The following OAS2 variants were observed in gnomAD, a reference collection of about 807,000 sequenced individuals.
The protein encoded by OAS2 is 2'-5'-oligoadenylate synthase 2.
OAS2 carries 67 observed loss-of-function variants against 71.3 expected under a neutral mutation model. The observed-to-expected ratio is 0.94, with a 90% CI of 0.77 to 1.15. OAS2 has a LOEUF of 1.15. OAS2 is among the 50% of genes most tolerant of loss of function. The pLI is 0.00. For synonymous variants in OAS2, 327 were observed against 321.8 expected, an observed-to-expected ratio of 1.02 and a Z score of -0.17; for missense variants, 789 against 822.5, an observed-to-expected ratio of 0.96 and a Z score of 0.50.
In OAS2 at chr12:112,987,256, C is replaced by G; in HGVS notation, c.396C>G (p.Phe132Leu). The change falls in exon 2 of 10, where the codon TTC becomes TTG. Residue 132 changes from phenylalanine (F) to leucine (L), a missense_variant. Coordinates refer to ENST00000392583, the MANE Select transcript of OAS2 (RefSeq NM_002535.3). ...TTGATGGGTTCACCATCCAGGTGTT[C>G]ACAAAAAATCAGAGAATCTCTTTCG... ...KSLDGFTIQV[F>L]TKNQRISFEV... 2.5e-6 allele frequency: 4 copies of G among 1,614,124 alleles called. No individual in the cohort carries two copies. The South Asian group carries it at 3.3e-5, about 13-fold the overall frequency.
At position 112,987,054 on chromosome 12, in the gene OAS2, G is replaced by A. The variant is rs200216272; in HGVS notation, c.194G>A (p.Arg65Gln). 50 of 1,611,022 alleles carry A rather than the reference G, an allele frequency of 3.1e-5. No homozygotes were observed. The highest frequency in any genetic ancestry group is 4.0e-5 in the African/African-American group (3 of 74,816). Reference protein sequence around the residue: ...QGVAIGGSYGRKTVLRGNSDG... With the variant: ...QGVAIGGSYGQKTVLRGNSDG... Reference sequence around the variant, plus strand: ...CACTGGCAGGGTGGCTCCTATGGACGGAAAACAGTCTTAAGAGGCAACTCC... The same window carrying A: ...CACTGGCAGGGTGGCTCCTATGGACAGAAAACAGTCTTAAGAGGCAACTCC... Residue 65 changes from arginine to glutamine, a missense_variant, in exon 2 of 10, where the codon CGG (arginine) becomes CAG (glutamine). Coordinates refer to ENST00000392583, the MANE Select transcript of OAS2 (RefSeq NM_002535.3).
Position 113,010,267 on chromosome 12 carries a change from TAG to T in OAS2, c.*1013_*1014del. 1 of 1,483,988 alleles carries T rather than the reference TAG, an allele frequency of 6.7e-7. No individual in the cohort carries two copies. Among genetic ancestry groups the T allele is most frequent in the Non-Finnish European group, 8.9e-7 (1 of 1,123,684 alleles). The allele number at this position is 1,483,988 out of a possible 1,614,324, so 91.9% of individuals were successfully genotyped here. ...AATACCAAAAAATTGTCTCTGGCAA[TAG>T]TTACCTTCCCAGATACAGGTCCCCC... On this transcript the variant is annotated 3_prime_UTR_variant, in exon 10 of 10. Transcript: ENST00000392583.
At position 112,987,144 on chromosome 12, in the gene OAS2, G is replaced by T; in HGVS notation, c.284G>T (p.Arg95Leu). The change falls in exon 2 of 10, where the codon CGT (arginine) becomes CTT (leucine). Residue 95 changes from arginine to leucine, a missense_variant. Transcript: ENST00000392583. ...TTCCAGGATCAGAAGAGAAGCCAAC[G>T]TGACATCCTCGATAAAACTGGGGAT... is the stretch of plus-strand genomic sequence containing the variant. ...KQFQDQKRSQ[R>L]DILDKTGDKL... The T allele has an allele frequency of 6.2e-7, 1 of 1,614,184 alleles. No homozygotes were observed. The highest frequency in any genetic ancestry group is 8.5e-7 in the Non-Finnish European group (1 of 1,180,038).
chr12:113,008,039 C>T, intron 9 of OAS2, 96 bp downstream of exon 9: 1 of 867,338 alleles, frequency 1.2e-6, no homozygotes, highest in Non-Finnish European at 1.9e-6. Flanking sequence ...ACGATTCATT[C>T]CTTGCATGAC....
chr12:113,001,009 C>T (rs2044282640), intron 5 of OAS2, among the ~76,000 whole-genome samples: 1 of 152,096 alleles, frequency 6.6e-6, no homozygotes, highest in Admixed American at 6.6e-5. Context: ...TTGCCTCTTA[C>T]TGCTGTTTTA....
intron 9 of OAS2, among the ~76,000 whole-genome samples, 198 bp from the exon 10 acceptor site, chr12:113,008,889 A>G (rs1048441211): frequency 2.6e-5 from 4 of 152,132 alleles, no homozygotes; most frequent in African/African-American, 9.7e-5. Flanking sequence ...CAGCCTCCCA[A>G]AGTGCTGGGA....
In OAS2 at chr12:113,010,706, TC is replaced by T. The variant is rs1451914081; in HGVS notation, c.*1452del. On this transcript the variant is annotated 3_prime_UTR_variant, in exon 10 of 10. Transcript: ENST00000392583. ...GTTGCTGTCATCCACTTTATGTGCA[TC>T]TTATTTCTGTCAACTTGTATTTTTT... 2.4e-6 allele frequency: 1 copy of T among 413,718 alleles called. No individual in the cohort carries two copies. Among genetic ancestry groups the T allele is most frequent in the African/African-American group, 2.1e-5 (1 of 48,392 alleles). 25.6% of individuals were successfully genotyped at this position (413,718 alleles called of 1,614,324 possible).
intron 8 of OAS2, among the ~76,000 whole-genome samples, chr12:113,007,438 C>T (rs538030001): frequency 7.9e-5 from 12 of 152,162 alleles, no homozygotes; most frequent in Non-Finnish European, 1.3e-4. Context: ...AATGCCTGGG[C>T]CCATAGCTGG....
At chr12:112,993,709 T>C (rs1224798880) in intron 2 of OAS2, among the ~76,000 whole-genome samples, 2 of 150,884 alleles carry the variant, frequency 1.3e-5, no homozygotes, top group Admixed American at 1.3e-4. Context: ...CTTTTTTTTT[T>C]CTCCAAAAAA....
chr12:112,979,867 A>G (rs1243220979), intron 1 of OAS2, among the ~76,000 whole-genome samples: 1 of 152,214 alleles, frequency 6.6e-6, no homozygotes, highest in Non-Finnish European at 1.5e-5. Context: ...AGGGTGACCA[A>G]CTATCCCAGT....
At chr12:112,997,299 A>G (rs1035890135) in intron 3 of OAS2, among the ~76,000 whole-genome samples, 4 of 151,836 alleles carry the variant, frequency 2.6e-5, no homozygotes, top group African/African-American at 9.7e-5. Flanking sequence ...TGCTTGTGGG[A>G]TGGGAGCAGT....
At chr12:113,000,547 CAT>C (rs1488796876) in intron 5 of OAS2, among the ~76,000 whole-genome samples, 2 of 151,542 alleles carry the variant, frequency 1.3e-5, no homozygotes, top group East Asian at 1.9e-4. Flanking sequence ...CATGCACACA[CAT>C]GTACTCACAC....
Position 112,988,663 on chromosome 12 carries a change from A to G in OAS2, c.448+1355A>G, listed in dbSNP as rs1207377095. The G allele has an allele frequency of 4.1e-6, 4 of 985,352 alleles. No individual in the cohort carries two copies. The African/African-American group carries it at 7.0e-5, about 17-fold the overall frequency. 61.0% of individuals were successfully genotyped at this position (985,352 alleles called of 1,614,324 possible). On this transcript the variant is annotated intron_variant, in intron 2 of 9. Transcript: ENST00000392583. ...CCCTACCTTTAGTGAGCACATCTGCACATTCCAATTTTAATGACAGCTCCT... is the reference window on the plus strand; with the variant it reads ...CCCTACCTTTAGTGAGCACATCTGCGCATTCCAATTTTAATGACAGCTCCT...
At chr12:112,986,427 C>T (rs2136378455) in intron 1 of OAS2, among the ~76,000 whole-genome samples, 1 of 152,244 alleles carries the variant, frequency 6.6e-6, no homozygotes, top group South Asian at 2.1e-4. Flanking sequence ...CCCTCAGGCC[C>T]TCAAGTGGTG....
Position 113,011,425 on chromosome 12 carries a change from C to G in OAS2, c.*2170C>G, listed in dbSNP as rs1208901438. ...AAAGCATTGGAATTTTCAGCCCCAT[C>G]CCACCCCCAATCTCCAAGGAGGTGA... is the stretch of plus-strand genomic sequence containing the variant. On this transcript the variant is annotated 3_prime_UTR_variant, in exon 10 of 10. Transcript: ENST00000392583. 1 of 152,188 alleles carries G rather than the reference C, an allele frequency of 6.6e-6. No individual in the cohort carries two copies. The highest frequency in any genetic ancestry group is 2.4e-5 in the African/African-American group (1 of 41,442). 9.4% of individuals were successfully genotyped at this position (152,188 alleles called of 1,614,324 possible). A position where few individuals can be genotyped will look rare whatever the true frequency, so the allele number is the denominator to read the frequency against.
chr12:113,003,854 G>A (rs2044309466), intron 6 of OAS2, among the ~76,000 whole-genome samples: 1 of 152,218 alleles, frequency 6.6e-6, no homozygotes, highest in South Asian at 2.1e-4. Flanking sequence ...TGCAACTAGA[G>A]AAGAGGGGCC....
intron 1 of OAS2, among the ~76,000 whole-genome samples, chr12:112,979,542 C>T (rs1014865233): frequency 1.3e-5 from 2 of 152,202 alleles, no homozygotes; most frequent in Non-Finnish European, 2.9e-5. Context: ...TAGCTATTGT[C>T]AGAACTGGGA....
At chr12:113,000,373 C>G (rs574342427) in intron 5 of OAS2, among the ~76,000 whole-genome samples, 7 of 152,348 alleles carry the variant, frequency 4.6e-5, no homozygotes, top group African/African-American at 1.7e-4. Flanking sequence ...CCATCAACTT[C>G]TATTTTGAGA....
chr12:112,985,985 A>G (rs1292822326), intron 1 of OAS2, among the ~76,000 whole-genome samples: 1 of 152,246 alleles, frequency 6.6e-6, no homozygotes, highest in Non-Finnish European at 1.5e-5. Flanking sequence ...AAAATTAAAT[A>G]AAAATAAAAT....
Sources: allele counts gnomAD v4.1 joint callset (sites outside exome capture counted in the v4.1 genomes callset), GRCh38; gene constraint gnomAD v4.1.1; transcripts MANE v1.5; gene names NCBI Gene and HGNC (gene_info 2026-07-23, HGNC 2026-07-21).